The following CLNK variants were observed in gnomAD, a reference collection of about 807,000 sequenced individuals.
CLNK encodes the protein cytokine-dependent hematopoietic cell linker.
In CLNK, 74 loss-of-function variants were observed where a neutral mutation model predicts 68.6. The ratio of observed to expected loss-of-function variants is 1.08; its 90% CI spans 0.89 to 1.31. The LOEUF is 1.31. Among genes scored for constraint, CLNK ranks in the 50% most tolerant of loss-of-function variants. The pLI is 0.00. For synonymous variants in CLNK, 198 were observed against 172.2 expected (o/e 1.15, Z -1.17); for missense variants, 553 against 515.3 (o/e 1.07, Z -0.71).
intron 2 of CLNK, among the ~76,000 whole-genome samples, chr4:10,641,899 T>C (rs1723321744): frequency 6.6e-6 from 1 of 152,194 alleles, no homozygotes; most frequent in African/African-American, 2.4e-5. Context: ...TACAAAGGGT[T>C]TCCCCTTTTG....
chr4:10,699,510 A>ATTTTT, the CLNK span, among the ~76,000 whole-genome samples: 83 of 19,474 alleles, frequency 4.3e-3, 2 homozygotes, highest in South Asian at 7.3e-3. Flanking sequence ...ATATATATAT[A>ATTTTT]TATTTTTTTT....
chr4:10,614,521 C>T (rs1722150073), intron 2 of CLNK, among the ~76,000 whole-genome samples: 1 of 152,170 alleles, frequency 6.6e-6, no homozygotes, highest in Non-Finnish European at 1.5e-5. Context: ...TGTTTTTCAG[C>T]CTGAGAATTC....
chr4:10,598,079 G>A lies in CLNK; in HGVS notation c.12-30C>T, dbSNP rs150427695. On this transcript the variant is annotated intron_variant, in intron 2 of 18. Coordinates refer to ENST00000226951, the MANE Select transcript of CLNK (RefSeq NM_052964.4). ...GATGAAAGAAAATAAATTATAGCTG[G>A]GAAATAGCAAGAAGCTAGGGGAAAA... 9.0e-4 allele frequency: 1,325 copies of A among 1,465,742 alleles called. 14 individuals carry two copies. In the African/African-American group the frequency reaches 0.016, roughly 18 times the overall value. 90.8% of individuals were successfully genotyped at this position (1,465,742 alleles called of 1,614,324 possible).
the CLNK span, among the ~76,000 whole-genome samples, chr4:10,705,779 T>C: frequency 6.6e-6 from 1 of 152,230 alleles, no homozygotes; most frequent in African/African-American, 2.4e-5. Context: ...AATACATTTA[T>C]GGTCTCTTGG....
chr4:10,722,953 G>A, the CLNK span, among the ~76,000 whole-genome samples: 1 of 152,006 alleles, frequency 6.6e-6, no homozygotes, highest in African/African-American at 2.4e-5. Flanking sequence ...GGGAGGCTGA[G>A]GCACAATAAT....
At chr4:10,709,885 G>T in the CLNK span, among the ~76,000 whole-genome samples, 49 of 152,172 alleles carry the variant, frequency 3.2e-4, no homozygotes, top group South Asian at 8.5e-3. Flanking sequence ...CCCATCATGG[G>T]CCAACACCCC....
chr4:10,709,179 T>A, the CLNK span, among the ~76,000 whole-genome samples: 1 of 152,246 alleles, frequency 6.6e-6, no homozygotes, highest in Non-Finnish European at 1.5e-5. Context: ...TGTTCTTGTC[T>A]GTAAAATACA....
intron 2 of CLNK, among the ~76,000 whole-genome samples, chr4:10,663,504 T>C (rs1207166899): frequency 6.6e-6 from 1 of 152,218 alleles, no homozygotes; most frequent in Non-Finnish European, 1.5e-5. Flanking sequence ...AATAAATTTG[T>C]ATATGATTTA....
chr4:10,605,089 C>T (rs1404101101), intron 2 of CLNK, among the ~76,000 whole-genome samples: 66 of 152,166 alleles, frequency 4.3e-4, no homozygotes. Context: ...AGTTTCCAGC[C>T]TATTGCCCTG....
rs1560208205 is a variant in CLNK, at chr4:10,540,571, G to T, written c.525C>A (p.Pro175=). 1 of 1,613,918 alleles carries T rather than the reference G, an allele frequency of 6.2e-7. No individual in the cohort carries two copies. The highest frequency in any genetic ancestry group is 8.5e-7 in the Non-Finnish European group (1 of 1,179,826). Residue 175 remains proline (P), a synonymous_variant, in exon 11 of 19, where the codon CCC becomes CCA. Transcript: ENST00000226951. The part of the protein sequence containing the change: ...PLITLPKKYQ[P]LPPEPESSRP... ...TGCTGCTCTCCGGCTCAGGGGGCAA[G>T]GGTTGGTACTTCTTCGGAAGTGTTA... is the stretch of plus-strand genomic sequence containing the variant.
At chr4:10,571,403 C>G (rs1054798049) in intron 5 of CLNK, among the ~76,000 whole-genome samples, 11 of 137,466 alleles carry the variant, frequency 8.0e-5, no homozygotes, top group African/African-American at 3.0e-4. Context: ...GGTGCTATCT[C>G]GGCTCACTGC....
chr4:10,535,223 G>GAAAGAA (rs1395051517), intron 11 of CLNK, among the ~76,000 whole-genome samples: 7 of 79,988 alleles, frequency 8.8e-5, no homozygotes, highest in Non-Finnish European at 5.3e-5. Context: ...GAGAAAGAAA[G>GAAAGAA]AAAGAAAGAA....
At chr4:10,714,572 T>C in the CLNK span, among the ~76,000 whole-genome samples, 4 of 152,218 alleles carry the variant, frequency 2.6e-5, no homozygotes, top group African/African-American at 9.6e-5. Context: ...AAAGTTATTG[T>C]TTTGATTTAA....
intron 3 of CLNK, among the ~76,000 whole-genome samples, chr4:10,588,591 G>A (rs1721070219): frequency 6.6e-6 from 1 of 152,112 alleles, no homozygotes; most frequent in African/African-American, 2.4e-5. Context: ...TTTTGTTGTT[G>A]TTGTTGTCTG....
chr4:10,689,762 T>TTTTTTTTTTTTTTTTTTC (rs55754483), upstream of CLNK, among the ~76,000 whole-genome samples: 1 of 149,442 alleles, frequency 6.7e-6, no homozygotes, highest in Non-Finnish European at 1.5e-5. Context: ...TTTTTTTTTT[T>TTTTTTTTTTTTTTTTTTC]ACAAATTGTG....
At chr4:10,676,046 A>AGTGTGT (rs34091285) in intron 1 of CLNK, among the ~76,000 whole-genome samples, 163 of 148,812 alleles carry the variant, frequency 1.1e-3, no homozygotes, top group African/African-American at 1.9e-3. Context: ...GAGCCAGAAG[A>AGTGTGT]GTGTGTGTGT....
In CLNK at chr4:10,517,644, G is replaced by A. The variant is rs189252767; in HGVS notation, c.772+3147C>T. Among the ~76,000 whole-genome samples the A allele has an allele frequency of 2.0e-3, 311 of 152,244 alleles. 1 individual carries two copies. The highest frequency in any genetic ancestry group is 7.0e-3 in the African/African-American group (291 of 41,558). On this transcript the variant is annotated intron_variant, in intron 15 of 18. Coordinates refer to ENST00000226951, the MANE Select transcript of CLNK (RefSeq NM_052964.4). ...TCAAGAAGGGAAAATAACCATTTTC[G>A]GTATTTCCTATCACTTAGATGGTGT...
the CLNK span, among the ~76,000 whole-genome samples, chr4:10,710,689 G>A: frequency 6.6e-6 from 1 of 152,214 alleles, no homozygotes; most frequent in African/African-American, 2.4e-5. Context: ...CAGAGGCCTT[G>A]TTTCTCCCCT....
intron 11 of CLNK, among the ~76,000 whole-genome samples, chr4:10,536,522 C>T (rs748396387): frequency 2.0e-5 from 3 of 152,146 alleles, no homozygotes; most frequent in Non-Finnish European, 2.9e-5. Flanking sequence ...TTTGCCCCAT[C>T]AATAGTCAAA....
Sources: gnomAD v4.1 joint callset for allele counts (sites outside exome capture counted in the v4.1 genomes callset) on GRCh38, gnomAD v4.1.1 for gene constraint, MANE v1.5 for transcripts, NCBI Gene and HGNC (gene_info 2026-07-23, HGNC 2026-07-21) for gene names.